RBFOX1: variants seen among roughly 807,000 people sequenced by gnomAD.
RBFOX1 encodes RNA binding protein fox-1 homolog 1.
A neutral mutation model predicts 57.7 loss-of-function variants in RBFOX1; 8 were observed. That is an observed-to-expected ratio of 0.14 (90% CI 0.08 to 0.25). The LOEUF (loss-of-function observed/expected upper bound fraction) is 0.25. RBFOX1 is among the 10% of genes least tolerant of loss of function. RBFOX1 has a pLI of 1.00. For synonymous variants in RBFOX1, 326 were observed against 222.4 expected, an observed-to-expected ratio of 1.47 and a Z score of -4.15; for missense variants, 611 against 548.5, an observed-to-expected ratio of 1.11 and a Z score of -1.14.
chr16:6,981,661 T>A lies in RBFOX1; in HGVS notation c.-15-70396T>A, dbSNP rs1445684097. Among the ~76,000 whole-genome samples the A allele has an allele frequency of 3.3e-5, 5 of 152,158 alleles. No homozygotes were observed. The East Asian group carries it at 5.8e-4, about 18-fold the overall frequency. On this transcript the variant is annotated intron_variant, in intron 3 of 15. Transcript: ENST00000550418. ...TTACATAGTGGCAAGCCAGAGAATT[T>A]GTGTAGAGGAACTCCCTTTTATAAA...
intron 4 of RBFOX1, among the ~76,000 whole-genome samples, chr16:7,433,924 G>C (rs538861900): frequency 1.1e-4 from 17 of 152,210 alleles, no homozygotes; most frequent in Non-Finnish European, 2.2e-4. Flanking sequence ...GTGGTAGATA[G>C]GTATGTTAGA....
intron 2 of RBFOX1, among the ~76,000 whole-genome samples, chr16:6,435,482 T>C (rs778213786): frequency 2.0e-5 from 3 of 152,024 alleles, no homozygotes; most frequent in Non-Finnish European, 4.4e-5. Flanking sequence ...TATTTCTTTT[T>C]CATTAGAGGT....
intron 2 of RBFOX1, among the ~76,000 whole-genome samples, chr16:6,653,118 T>C (rs952724223): frequency 6.6e-5 from 10 of 152,306 alleles, no homozygotes; most frequent in African/African-American, 2.4e-4. Flanking sequence ...GGATGTTCTC[T>C]TCCCCAGTGG....
chr16:6,165,480 A>T (rs1287130087), intron 1 of RBFOX1, among the ~76,000 whole-genome samples: 1 of 152,172 alleles, frequency 6.6e-6, no homozygotes, highest in Non-Finnish European at 1.5e-5. Flanking sequence ...AGTCTCACTC[A>T]AAAGAGTTCA....
At chr16:5,989,816 A>G (rs1407825556) in intron 4 of RBFOX1, among the ~76,000 whole-genome samples, 2 of 141,940 alleles carry the variant, frequency 1.4e-5, no homozygotes. Flanking sequence ...ACTCTTTATA[A>G]GAAATGAGAG....
chr16:5,400,417 T>C (rs1189136903), intron 1 of RBFOX1, among the ~76,000 whole-genome samples: 3 of 152,106 alleles, frequency 2.0e-5, no homozygotes, highest in Admixed American at 6.6e-5. Flanking sequence ...TCTTTGTACA[T>C]CTCTATGTAA....
chr16:6,085,105 G>A (rs1217680600), intron 1 of RBFOX1, among the ~76,000 whole-genome samples: 2 of 152,108 alleles, frequency 1.3e-5, no homozygotes, highest in African/African-American at 2.4e-5. Flanking sequence ...GGGTGAGGGC[G>A]GGGAGTCTTT....
intron 2 of RBFOX1, among the ~76,000 whole-genome samples, chr16:6,562,874 TTCTTTC>T (rs1374668601): frequency 1.0e-4 from 7 of 66,972 alleles, no homozygotes; most frequent in East Asian, 3.7e-4. Context: ...CTTTCTTTCT[TTCTTTC>T]TTTTTTTTTT....
chr16:7,665,031 T>G, intron 13 of RBFOX1, 63 bp downstream of exon 13: 1 of 1,613,698 alleles, frequency 6.2e-7, no homozygotes, highest in East Asian at 2.2e-5. Flanking sequence ...TTTTACAAGT[T>G]TGCTGTGAAT....
intron 5 of RBFOX1, among the ~76,000 whole-genome samples, chr16:7,532,376 A>G (rs923371751): frequency 1.3e-5 from 2 of 152,198 alleles, no homozygotes; most frequent in Non-Finnish European, 2.9e-5. Context: ...CTGTGACTCC[A>G]GAAGGCAGAT....
chr16:5,639,175 T>G (rs1472915020), intron 3 of RBFOX1, among the ~76,000 whole-genome samples: 1 of 152,224 alleles, frequency 6.6e-6, no homozygotes, highest in Non-Finnish European at 1.5e-5. Flanking sequence ...TGAACTTGCT[T>G]TTGGCTTCCT....
At chr16:7,287,783 C>T (rs193005155) in intron 4 of RBFOX1, among the ~76,000 whole-genome samples, 1 of 152,252 alleles carries the variant, frequency 6.6e-6, no homozygotes, top group African/African-American at 2.4e-5. Context: ...GTGGAGAACA[C>T]AAATTAGTTT....
chr16:6,844,251 C>A (rs184035119), intron 3 of RBFOX1, among the ~76,000 whole-genome samples: 17 of 151,914 alleles, frequency 1.1e-4, no homozygotes, highest in Non-Finnish European at 2.2e-4. Context: ...AGATTTGTTA[C>A]ATAGGTAAAT....
intron 2 of RBFOX1, among the ~76,000 whole-genome samples, chr16:5,494,869 G>C (rs2042950576): frequency 1.3e-5 from 2 of 152,144 alleles, no homozygotes; most frequent in Admixed American, 1.3e-4. Flanking sequence ...ATCCTCAGTG[G>C]ACCCCTGTTT....
At chr16:5,800,764 C>T (rs900220076) in intron 3 of RBFOX1, among the ~76,000 whole-genome samples, 17 of 152,100 alleles carry the variant, frequency 1.1e-4, no homozygotes, top group Non-Finnish European at 2.2e-4. Context: ...CAGGGCCGCT[C>T]GGAAACCTAA....
chr16:7,205,506 C>T (rs1023198251), intron 4 of RBFOX1, among the ~76,000 whole-genome samples: 11 of 144,394 alleles, frequency 7.6e-5, no homozygotes, highest in African/African-American at 2.9e-4. Flanking sequence ...GAGTGAGACT[C>T]TGTCTCAGGA....
intron 4 of RBFOX1, among the ~76,000 whole-genome samples, chr16:7,494,516 G>A (rs909020896): frequency 1.1e-4 from 17 of 152,074 alleles, no homozygotes; most frequent in East Asian, 1.9e-4. Context: ...AAGTCACTTC[G>A]CTTAAATAAC....
At chr16:6,193,894 A>G (rs1271718754) in intron 1 of RBFOX1, among the ~76,000 whole-genome samples, 2 of 151,904 alleles carry the variant, frequency 1.3e-5, no homozygotes, top group Admixed American at 1.3e-4. Flanking sequence ...GCATTGCCTC[A>G]TCTTCCTGTG....
At chr16:6,094,210 A>G (rs1018711915) in intron 1 of RBFOX1, among the ~76,000 whole-genome samples, 4 of 152,190 alleles carry the variant, frequency 2.6e-5, no homozygotes, top group African/African-American at 9.7e-5. Flanking sequence ...CTTTCCATGG[A>G]TGAGGAAGAC....
Sources: gnomAD v4.1 joint callset for allele counts (sites outside exome capture counted in the v4.1 genomes callset) on GRCh38, gnomAD v4.1.1 for gene constraint, MANE v1.5 for transcripts, NCBI Gene and HGNC (gene_info 2026-07-23, HGNC 2026-07-21) for gene names.